PPARD: variants seen among roughly 807,000 people sequenced by gnomAD.
The protein encoded by PPARD is peroxisome proliferator activated receptor delta, also known as peroxisome proliferator-activated receptor delta.
PPARD carries 6 observed loss-of-function variants against 39.5 expected under a neutral mutation model. The observed-to-expected ratio is 0.15, with a 90% confidence interval of 0.08 to 0.30. The LOEUF (loss-of-function observed/expected upper bound fraction) is 0.30. PPARD is among the 10% of genes least tolerant of loss of function. PPARD has a pLI of 1.00. For synonymous variants in PPARD, 210 were observed against 231.3 expected (o/e 0.91, Z 0.83); for missense variants, 397 against 596.8 (o/e 0.67, Z 3.49).
chr6:35,345,764 A>G (rs1050238097), intron 1 of PPARD, among the ~76,000 whole-genome samples: 9 of 152,062 alleles, frequency 5.9e-5, no homozygotes, highest in African/African-American at 2.2e-4. Flanking sequence ...CTTTGGGCCT[A>G]CAGCTGTCCT....
At chr6:35,353,508 G>A (rs549746246) in intron 2 of PPARD, among the ~76,000 whole-genome samples, 1 of 152,242 alleles carries the variant, frequency 6.6e-6, no homozygotes, top group South Asian at 2.1e-4. Context: ...CTAAATTTAG[G>A]TTTTATTGTC....
In PPARD at chr6:35,426,127, AGG is replaced by A. The variant is rs1343637776; in HGVS notation, c.*51_*52del. On this transcript the variant is annotated 3_prime_UTR_variant, in exon 8 of 8. Coordinates refer to ENST00000360694, the MANE Select transcript of PPARD (RefSeq NM_006238.5). Reference sequence around the variant, plus strand: ...CAGACTCCAATGGGGCCAGCACTGGAGGGGCCCACCCACATGACTTTTCCATT... The same window carrying A: ...CAGACTCCAATGGGGCCAGCACTGGAGGCCCACCCACATGACTTTTCCATT... The A allele has an allele frequency of 1.3e-6, 2 of 1,586,666 alleles. No individual in the cohort carries two copies. The highest frequency in any genetic ancestry group is 1.7e-6 in the Non-Finnish European group (2 of 1,170,842).
At chr6:35,384,127 G>T (rs1763384846) in intron 2 of PPARD, among the ~76,000 whole-genome samples, 2 of 146,408 alleles carry the variant, frequency 1.4e-5, no homozygotes. Flanking sequence ...CCCCGTCCGG[G>T]AGGTGAGGGG....
At position 35,424,469 on chromosome 6, in the gene PPARD, C is replaced by T. The variant is rs199521532; in HGVS notation, c.768C>T (p.Thr256=). 8.7e-6 allele frequency: 14 copies of T among 1,614,114 alleles called. No individual in the cohort carries two copies. Among genetic ancestry groups the T allele is most frequent in the South Asian group, 2.2e-5 (2 of 91,094 alleles). The change falls in exon 7 of 8, where the codon ACC becomes ACT. Residue 256 remains threonine, a synonymous_variant. Coordinates refer to ENST00000360694, the MANE Select transcript of PPARD (RefSeq NM_006238.5). The surrounding 1 kb of genome is among the most constrained non-coding windows in gnomAD (Gnocchi z 7.1). ...GCTGCCAGTGCACCACAGTGGAGAC[C>T]GTGCGGGAGCTCACTGAGTTCGCCA... ...FYRCQCTTVE[T]VRELTEFAKS...
At chr6:35,414,323 G>A (rs1765612151) in intron 3 of PPARD, among the ~76,000 whole-genome samples, 1 of 150,836 alleles carries the variant, frequency 6.6e-6, no homozygotes. Flanking sequence ...TGAGGAGCAG[G>A]ATCATGGTTA....
intron 2 of PPARD, among the ~76,000 whole-genome samples, chr6:35,400,643 T>TA (rs1356606068): frequency 1.3e-5 from 2 of 151,756 alleles, no homozygotes; most frequent in Non-Finnish European, 2.9e-5. Flanking sequence ...CTACAAAAAA[T>TA]ACAAAAATTT....
At chr6:35,404,628 G>A (rs1210629433) in intron 2 of PPARD, among the ~76,000 whole-genome samples, 1 of 152,210 alleles carries the variant, frequency 6.6e-6, no homozygotes, top group Non-Finnish European at 1.5e-5. Context: ...TTGCCCAGCT[G>A]ACCAGGAGCA....
intron 2 of PPARD, among the ~76,000 whole-genome samples, chr6:35,367,201 A>C (rs1188252927): frequency 6.6e-6 from 1 of 152,190 alleles, no homozygotes; most frequent in East Asian, 1.9e-4. Flanking sequence ...CACTGATGTG[A>C]TGGGAGAAGG....
chr6:35,420,685 T>G (rs1211000188), intron 4 of PPARD, among the ~76,000 whole-genome samples: 1 of 152,192 alleles, frequency 6.6e-6, no homozygotes, highest in African/African-American at 2.4e-5. Context: ...GGGTCCTTCC[T>G]AACTTCACAC....
rs1347497564 is a variant in PPARD at position 35,354,231 on chromosome 6, C to CAAA, written c.-102+7101_-102+7103dup. Among the ~76,000 whole-genome samples, 60 of 31,346 alleles carry CAAA rather than the reference C, an allele frequency of 1.9e-3. 1 individual carries two copies. Among genetic ancestry groups the CAAA allele is most frequent in the African/African-American group, 4.7e-3 (37 of 7,914 alleles). 20.6% of individuals were successfully genotyped at this position (31,346 alleles called of 152,430 possible). On this transcript the variant is annotated intron_variant, in intron 2 of 7. Coordinates refer to ENST00000360694, the MANE Select transcript of PPARD (RefSeq NM_006238.5). The stretch of plus-strand genomic sequence containing the variant: ...TGGGCGACAGAGCGAGACTCCGTCT[C>CAAA]AAAAAAAAAAAAAAAAAAAAAAGCG...
At chr6:35,342,919 C>T (rs1422236383) in intron 1 of PPARD, among the ~76,000 whole-genome samples, 1 of 152,158 alleles carries the variant, frequency 6.6e-6, no homozygotes, top group East Asian at 1.9e-4. Context: ...GCCCTTGGAC[C>T]CCCATAGCTG....
intron 2 of PPARD, among the ~76,000 whole-genome samples, chr6:35,359,405 A>AG (rs869309523): frequency 6.6e-6 from 1 of 152,134 alleles, no homozygotes. Context: ...ATATTAGAAG[A>AG]GGGGGAAAAA....
At chr6:35,419,750 A>C (rs1280361093) in intron 3 of PPARD, among the ~76,000 whole-genome samples, 1 of 152,112 alleles carries the variant, frequency 6.6e-6, no homozygotes, top group African/African-American at 2.4e-5. Context: ...GCTGCTTCCT[A>C]AGGGCTAAGA....
intron 2 of PPARD, among the ~76,000 whole-genome samples, chr6:35,400,325 G>T (rs901715928): frequency 6.6e-6 from 1 of 152,190 alleles, no homozygotes. Context: ...GCCAGTCAGA[G>T]CTTCCCTCAG....
intron 2 of PPARD, among the ~76,000 whole-genome samples, chr6:35,377,196 C>A (rs567820406): frequency 9.2e-5 from 14 of 152,128 alleles, no homozygotes; most frequent in Admixed American, 8.5e-4. Flanking sequence ...GTGCGAAAGT[C>A]CACAGGCCAT....
At chr6:35,421,795 T>C in intron 4 of PPARD, 25 bp from the exon 5 acceptor site, 2 of 1,591,394 alleles carry the variant, frequency 1.3e-6, no homozygotes, top group Non-Finnish European at 1.7e-6. Flanking sequence ...TGGTGGCCTT[T>C]CCTCACCTGT....
intron 3 of PPARD, among the ~76,000 whole-genome samples, chr6:35,417,172 AT>A (rs1399691975): frequency 6.7e-6 from 1 of 150,198 alleles, no homozygotes; most frequent in Non-Finnish European, 1.5e-5. Context: ...AGTTTTTAAA[AT>A]TTTTTATAGA....
intron 2 of PPARD, among the ~76,000 whole-genome samples, chr6:35,396,693 G>A (rs1372628731): frequency 6.6e-6 from 1 of 151,872 alleles, no homozygotes. Context: ...AGCTGGGCGT[G>A]GTAGCATGCG....
Position 35,424,283 on chromosome 6 carries a change from G to T in PPARD, c.628-46G>T, listed in dbSNP as rs755176055. 15 of 1,600,694 alleles carry T rather than the reference G, an allele frequency of 9.4e-6. No homozygotes were observed. The highest frequency in any genetic ancestry group is 1.2e-5 in the Non-Finnish European group (14 of 1,171,262). On this transcript the variant is annotated intron_variant, in intron 6 of 7. Transcript: ENST00000360694. The surrounding 1 kb of genome is among the most constrained non-coding windows in gnomAD (Gnocchi z 7.1). ...AGGCAAGGGACATGGGGAGCACAGGGTGGGGGTCTCCCGAGGCCTGATCTC... is the reference window on the plus strand; with the variant it reads ...AGGCAAGGGACATGGGGAGCACAGGTTGGGGGTCTCCCGAGGCCTGATCTC...
Sources: allele counts gnomAD v4.1 joint callset (sites outside exome capture counted in the v4.1 genomes callset), GRCh38; gene constraint gnomAD v4.1.1; non-coding constraint Gnocchi (gnomAD v3.1); transcripts MANE v1.5; gene names NCBI Gene and HGNC (gene_info 2026-07-23, HGNC 2026-07-21).